The following DPYSL3 variants were observed in gnomAD, a reference collection of about 807,000 sequenced individuals.
DPYSL3 encodes dihydropyrimidinase like 3, also known as dihydropyrimidinase-related protein 3.
Under a neutral mutation model 66.1 loss-of-function variants are expected in DPYSL3, and 16 were observed. The observed-to-expected ratio is 0.24, with a 90% CI of 0.16 to 0.37. The LOEUF is 0.37. Ranked by LOEUF, DPYSL3 falls within the 10% of genes least tolerant of loss-of-function variation. The pLI, the probability that DPYSL3 is intolerant of heterozygous loss-of-function variation, is 1.00. For missense variants in DPYSL3, 738 were observed against 916.2 expected (o/e 0.81, Z 2.51); for synonymous variants, 338 against 345.1 (o/e 0.98, Z 0.23).
chr5:147,453,831 T>G, intron 1 of DPYSL3: 2 of 1,055,792 alleles, frequency 1.9e-6, no homozygotes, highest in Non-Finnish European at 2.4e-6. Context: ...TCCACCCGCG[T>G]TCACGCCCGG....
chr5:147,494,577 T>C (rs993297441), intron 1 of DPYSL3, among the ~76,000 whole-genome samples: 1 of 151,316 alleles, frequency 6.6e-6, no homozygotes, highest in African/African-American at 2.4e-5. Flanking sequence ...AAAAGAATAA[T>C]AAAGGAGGCC....
intron 1 of DPYSL3, among the ~76,000 whole-genome samples, chr5:147,446,243 A>C (rs757873255): frequency 7.2e-5 from 11 of 152,164 alleles, no homozygotes; most frequent in Non-Finnish European, 1.6e-4. Context: ...TGAGAGGGAT[A>C]ATAAGGGTTT....
chr5:147,494,582 G>A lies in DPYSL3; in HGVS notation c.381+14896C>T, dbSNP rs58919250. On this transcript the variant is annotated intron_variant, in intron 1 of 13. Transcript: ENST00000343218. ...TATGGATGTCAAAAGAATAATAAAG[G>A]AGGCCGGGCCCGGTGGCTCACACCT... Among the ~76,000 whole-genome samples, 1,447 of 151,494 alleles carry A rather than the reference G, an allele frequency of 9.6e-3. 17 individuals are homozygous for A. The highest frequency in any genetic ancestry group is 0.034 in the African/African-American group (1,392 of 41,342).
At chr5:147,443,593 G>A (rs1047820492) in intron 1 of DPYSL3, among the ~76,000 whole-genome samples, 113 of 143,220 alleles carry the variant, frequency 7.9e-4, no homozygotes, top group African/African-American at 2.4e-3. Context: ...CATGTATCCC[G>A]TTTTTTTTTT....
At chr5:147,429,134 G>C (rs1455440974) in intron 1 of DPYSL3, among the ~76,000 whole-genome samples, 1 of 152,070 alleles carries the variant, frequency 6.6e-6, no homozygotes, top group East Asian at 1.9e-4. Context: ...TATATATAAA[G>C]AATGATGATA....
chr5:147,393,836 T>C lies in DPYSL3; in HGVS notation c.*199A>G, dbSNP rs1032167298. The C allele has an allele frequency of 1.0e-4, 61 of 605,576 alleles. No homozygotes were observed. The highest frequency in any genetic ancestry group is 1.5e-4 in the Admixed American group (5 of 33,564). 37.5% of individuals were successfully genotyped at this position (605,576 alleles called of 1,614,324 possible). A position where few individuals can be genotyped will look rare whatever the true frequency, so the allele number is the denominator to read the frequency against. On this transcript the variant is annotated 3_prime_UTR_variant, in exon 14 of 14. Transcript: ENST00000343218. ...GGAGGGGAGTCAAACAAATCAAGGC[T>C]ATGCATAAACAGAAAACAAAGCAAT... is the stretch of plus-strand genomic sequence containing the variant.
intron 1 of DPYSL3, among the ~76,000 whole-genome samples, chr5:147,430,977 T>C (rs777128668): frequency 5.9e-5 from 9 of 152,196 alleles, no homozygotes; most frequent in Non-Finnish European, 1.0e-4. Context: ...TCAAATATTT[T>C]GTTACCTGCA....
chr5:147,399,021 CT>C (rs1758082376), intron 11 of DPYSL3, 60 bp downstream of exon 11: 1 of 1,580,796 alleles, frequency 6.3e-7, no homozygotes, highest in African/African-American at 1.3e-5. Context: ...CACATTTCTC[CT>C]GACCAAGTTC....
rs767815553 is a variant in DPYSL3 at position 147,413,676 on chromosome 5, A to G, written c.821-19T>C. Reference sequence around the variant, plus strand: ...TTAACCCCTGCAAAAGAGGGACAGGAGGAAAAACAAGAGAAAGACAACATT... The same window carrying G: ...TTAACCCCTGCAAAAGAGGGACAGGGGGAAAAACAAGAGAAAGACAACATT... On this transcript the variant is annotated intron_variant, in intron 4 of 13. Transcript: ENST00000343218. 1.3e-6 allele frequency: 2 copies of G among 1,596,190 alleles called. No homozygotes were observed. The highest frequency in any genetic ancestry group is 1.7e-6 in the Non-Finnish European group (2 of 1,165,304).
intron 1 of DPYSL3, among the ~76,000 whole-genome samples, chr5:147,426,604 G>A (rs1299378865): frequency 6.6e-6 from 1 of 152,106 alleles, no homozygotes; most frequent in African/African-American, 2.4e-5. Flanking sequence ...CATATGCAGG[G>A]CCAACCATGG....
intron 1 of DPYSL3, chr5:147,453,818 T>G: frequency 1.0e-6 from 1 of 998,416 alleles, no homozygotes; most frequent in Non-Finnish European, 1.2e-6. Context: ...ACGCACACCC[T>G]CCTCCACCCG....
intron 11 of DPYSL3, 99 bp from the exon 12 acceptor site, chr5:147,397,944 CCAG>C (rs1485549970): frequency 8.0e-7 from 1 of 1,245,994 alleles, no homozygotes; most frequent in Admixed American, 2.8e-5. Context: ...TGCTGATTCA[CCAG>C]GTAAGCCAGG....
chr5:147,397,327 G>GGATT (rs1758019732), intron 12 of DPYSL3, among the ~76,000 whole-genome samples: 1 of 149,004 alleles, frequency 6.7e-6, no homozygotes, highest in African/African-American at 2.5e-5. Context: ...GTGTCGGTGT[G>GGATT]GATTCTCGGT....
At chr5:147,415,666 G>A in intron 4 of DPYSL3, 43 bp downstream of exon 4, 2 of 1,596,714 alleles carry the variant, frequency 1.3e-6, no homozygotes, top group African/African-American at 2.7e-5. Flanking sequence ...GGACTGGCAA[G>A]AAGAAGCTAA....
rs1387949948 is a variant in DPYSL3 at position 147,448,768 on chromosome 5, T to TA, written c.382-23806dup. Among the ~76,000 whole-genome samples the TA allele has an allele frequency of 2.0e-5, 3 of 152,342 alleles. No homozygotes were observed. The East Asian group carries it at 5.8e-4, about 29-fold the overall frequency. On this transcript the variant is annotated intron_variant, in intron 1 of 13. Transcript: ENST00000343218. ...GCCCAGCTGGCTTGGTCACAGCTAC[T>TA]AATGTTCAGGGCTCTTTCTATACCT...
intron 1 of DPYSL3, among the ~76,000 whole-genome samples, chr5:147,496,727 G>A (rs201968930): frequency 0.12 from 17,655 of 151,306 alleles, 1,079 homozygotes; most frequent in Middle Eastern, 0.21. Context: ...TTAGAATGGC[G>A]ATCATTAAAA....
chr5:147,404,737 G>C (rs953227803), intron 8 of DPYSL3, among the ~76,000 whole-genome samples: 13 of 152,222 alleles, frequency 8.5e-5, no homozygotes, highest in Non-Finnish European at 1.6e-4. Context: ...GTTAACACCA[G>C]TGGAGAAAAG....
intron 1 of DPYSL3, among the ~76,000 whole-genome samples, chr5:147,462,664 C>T (rs1441878748): frequency 1.3e-5 from 2 of 152,058 alleles, no homozygotes; most frequent in Non-Finnish European, 2.9e-5. Flanking sequence ...TGTTACAACC[C>T]ACATACAGAG....
rs571246937 is a variant in DPYSL3 at position 147,401,707 on chromosome 5, C to G, written c.1154-11G>C. The G allele has an allele frequency of 1.9e-6, 3 of 1,613,864 alleles. No individual in the cohort carries two copies. The South Asian group carries it at 3.3e-5, about 18-fold the overall frequency. The stretch of plus-strand genomic sequence containing the variant: ...CAAAGACTACATTTCCTAGAAGGGG[C>G]AGGAAACAGACAAGGGGTTAGCATA... On this transcript the variant is annotated splice_polypyrimidine_tract_variant and intron_variant, in intron 8 of 13. Transcript: ENST00000343218.
Sources: allele counts gnomAD v4.1 joint callset (sites outside exome capture counted in the v4.1 genomes callset), GRCh38; gene constraint gnomAD v4.1.1; transcripts MANE v1.5; gene names NCBI Gene and HGNC (gene_info 2026-07-23, HGNC 2026-07-21).